Variants in MAML2 observed in about 807,000 individuals in gnomAD.
MAML2 encodes mastermind like transcriptional coactivator 2, also known as mastermind-like protein 2.
Under a neutral mutation model 96.1 loss-of-function variants are expected in MAML2, and 22 were observed. That is an observed-to-expected ratio of 0.23 (90% CI 0.16 to 0.33). The LOEUF (loss-of-function observed/expected upper bound fraction) is 0.33. Among genes scored for constraint, MAML2 ranks in the 10% least tolerant of loss-of-function variants. MAML2 has a pLI of 1.00. For missense variants in MAML2, 1,367 were observed against 1,392.4 expected (o/e 0.98, Z 0.29); for synonymous variants, 561 against 521.3 (o/e 1.08, Z -1.04).
At chr11:96,159,180 T>C (rs1861058144) in intron 1 of MAML2, among the ~76,000 whole-genome samples, 1 of 152,208 alleles carries the variant, frequency 6.6e-6, no homozygotes, top group Non-Finnish European at 1.5e-5. Context: ...TTTACTTAGA[T>C]GGCACAGTCC....
rs1253836339 is a variant in MAML2 at position 96,043,006 on chromosome 11, A to G, written c.2139+48886T>C. On this transcript the variant is annotated intron_variant, in intron 2 of 4. Transcript: ENST00000524717. ...AGTGATCTTCCCGCCTTAGCCTCCC[A>G]AAGTGCTGGGATTACAGGCATGAGC... Among the ~76,000 whole-genome samples the G allele has an allele frequency of 3.9e-5, 6 of 152,128 alleles. No individual in the cohort carries two copies. The East Asian group carries it at 9.6e-4, about 24-fold the overall frequency.
Position 96,269,152 on chromosome 11 carries a change from T to C in MAML2, c.513+72231A>G, listed in dbSNP as rs1283549304. Among the ~76,000 whole-genome samples, 3 of 144,774 alleles carry C rather than the reference T, an allele frequency of 2.1e-5. 1 individual carries two copies. Among genetic ancestry groups the C allele is most frequent in the Non-Finnish European group, 4.5e-5 (3 of 66,888 alleles). The allele number at this position is 144,774 out of a possible 152,430, so 95.0% of individuals were successfully genotyped here. A position where few individuals can be genotyped will look rare whatever the true frequency, so the allele number is the denominator to read the frequency against. On this transcript the variant is annotated intron_variant, in intron 1 of 4. Coordinates refer to ENST00000524717, the MANE Select transcript of MAML2 (RefSeq NM_032427.4). ...CAAATATGCACAGACTTTTGAGAAA[T>C]TTCAAGTTGCCTGTTATTGAAGATG...
At chr11:96,111,966 A>G (rs1860131813) in intron 1 of MAML2, among the ~76,000 whole-genome samples, 1 of 152,192 alleles carries the variant, frequency 6.6e-6, no homozygotes, top group Non-Finnish European at 1.5e-5. Flanking sequence ...AAAAAAAGAA[A>G]GTTGCTATAG....
chr11:96,193,194 C>G (rs1861680718), intron 1 of MAML2, among the ~76,000 whole-genome samples: 1 of 152,064 alleles, frequency 6.6e-6, no homozygotes. Flanking sequence ...TGGTGAAACC[C>G]CATCTCTACT....
At chr11:96,073,511 G>A (rs941192777) in intron 2 of MAML2, among the ~76,000 whole-genome samples, 2 of 151,842 alleles carry the variant, frequency 1.3e-5, no homozygotes, top group Non-Finnish European at 2.9e-5. Context: ...TAGTAGAGAC[G>A]GGGTTTCACT....
At chr11:96,340,165 G>A (rs904356300) in intron 1 of MAML2, among the ~76,000 whole-genome samples, 3 of 152,248 alleles carry the variant, frequency 2.0e-5, no homozygotes, top group African/African-American at 7.2e-5. Flanking sequence ...GAGCCATCCT[G>A]AGCGTCTGGC....
intron 1 of MAML2, among the ~76,000 whole-genome samples, chr11:96,212,813 C>T (rs1861991209): frequency 6.6e-6 from 1 of 152,166 alleles, no homozygotes; most frequent in Non-Finnish European, 1.5e-5. Context: ...GAAGACCTCT[C>T]AATTAAAAAG....
chr11:96,003,553 G>A (rs974975754), intron 2 of MAML2, among the ~76,000 whole-genome samples: 1 of 152,102 alleles, frequency 6.6e-6, no homozygotes, highest in African/African-American at 2.4e-5. Context: ...GGATTTCAGT[G>A]AGTAGACAGC....
chr11:96,190,686 GA>G, intron 1 of MAML2, among the ~76,000 whole-genome samples: 1 of 152,212 alleles, frequency 6.6e-6, no homozygotes, highest in East Asian at 1.9e-4. Flanking sequence ...GCCCTAAAGA[GA>G]TGACATTTAA....
intron 1 of MAML2, among the ~76,000 whole-genome samples, chr11:96,161,274 C>G (rs1861099441): frequency 1.3e-5 from 2 of 152,152 alleles, no homozygotes; most frequent in African/African-American, 4.8e-5. Context: ...CAGCCTCCCC[C>G]ACACAAATCA....
At chr11:96,151,803 A>G (rs1263877616) in intron 1 of MAML2, among the ~76,000 whole-genome samples, 1 of 152,058 alleles carries the variant, frequency 6.6e-6, no homozygotes, top group Admixed American at 6.5e-5. Context: ...AGCCAATGAA[A>G]CCTCTTTTGT....
intron 1 of MAML2, among the ~76,000 whole-genome samples, chr11:96,183,839 C>T (rs368151693): frequency 8.5e-5 from 13 of 152,134 alleles, no homozygotes; most frequent in African/African-American, 2.4e-4. Flanking sequence ...ATTTCTATAA[C>T]CTAATAAGCA....
At chr11:96,096,249 T>C (rs1455050231) in intron 1 of MAML2, among the ~76,000 whole-genome samples, 1 of 152,178 alleles carries the variant, frequency 6.6e-6, no homozygotes. Flanking sequence ...GTATGCGCTC[T>C]GGGAAACAGC....
chr11:96,270,333 G>A lies in MAML2; in HGVS notation c.513+71050C>T, dbSNP rs150489138. ...TACCACCATTTCTTTTCTTTGAGAT[G>A]GAGTCTTGCTCTGTCACCCAGGCTG... On this transcript the variant is annotated intron_variant, in intron 1 of 4. Transcript: ENST00000524717. Among the ~76,000 whole-genome samples the A allele has an allele frequency of 5.3e-3, 810 of 152,222 alleles. 10 individuals carry two copies. The highest frequency in any genetic ancestry group is 0.018 in the African/African-American group (766 of 41,532).
At chr11:96,326,081 C>A (rs1225889222) in intron 1 of MAML2, among the ~76,000 whole-genome samples, 1 of 136,696 alleles carries the variant, frequency 7.3e-6, no homozygotes, top group Admixed American at 7.2e-5. Flanking sequence ...TTTGTTTACT[C>A]TCTGTCTACC....
intron 1 of MAML2, among the ~76,000 whole-genome samples, chr11:96,243,142 C>A (rs78052028): frequency 0.071 from 10,807 of 152,034 alleles, 464 homozygotes; most frequent in Middle Eastern, 0.15. Context: ...TACACACACA[C>A]ACACTTGTTC....
At position 96,037,268 on chromosome 11, in the gene MAML2, G is replaced by A. The variant is rs143136346; in HGVS notation, c.2140-45545C>T. On this transcript the variant is annotated intron_variant, in intron 2 of 4. Transcript: ENST00000524717. ...CTTTAAACCTGTAATGCTAAATGAC[G>A]TGCCCACAATAAAATAAGAATAAGT... is the stretch of plus-strand genomic sequence containing the variant. 5.1e-3 allele frequency among the ~76,000 whole-genome samples: 773 copies of A among 151,916 alleles called. 5 individuals carry two copies. The highest frequency in any genetic ancestry group is 0.021 in the Middle Eastern group (6 of 292).
At chr11:96,225,578 T>A (rs1862198919) in intron 1 of MAML2, among the ~76,000 whole-genome samples, 1 of 152,198 alleles carries the variant, frequency 6.6e-6, no homozygotes, top group Non-Finnish European at 1.5e-5. Context: ...ACACCTGTAA[T>A]CCCAGCACTT....
intron 2 of MAML2, among the ~76,000 whole-genome samples, chr11:96,009,420 A>G (rs1858234060): frequency 6.6e-6 from 1 of 152,212 alleles, no homozygotes; most frequent in African/African-American, 2.4e-5. Flanking sequence ...TCCTGGTCAT[A>G]AGATAAAGTG....
Sources: allele counts gnomAD v4.1 joint callset (sites outside exome capture counted in the v4.1 genomes callset), GRCh38; gene constraint gnomAD v4.1.1; transcripts MANE v1.5; gene names NCBI Gene and HGNC (gene_info 2026-07-23, HGNC 2026-07-21).